ZMAT1: variants seen among roughly 807,000 people sequenced by gnomAD.
The protein encoded by ZMAT1 is zinc finger matrin-type protein 1.
ZMAT1 carries 11 observed loss-of-function variants against 18.5 expected under a neutral mutation model. That is an observed-to-expected ratio of 0.59 (90% CI 0.37 to 0.98). The LOEUF (loss-of-function observed/expected upper bound fraction) is 0.98. ZMAT1 is among the 50% of genes least tolerant of loss of function. ZMAT1 has a pLI of 0.01. For synonymous variants in ZMAT1, 211 were observed against 176.4 expected (o/e 1.20, Z -1.55); for missense variants, 525 against 496.2 (o/e 1.06, Z -0.55).
chrX:101,921,468 T>C (rs1217505853), intron 1 of ZMAT1, among the ~76,000 whole-genome samples: 2 of 112,313 alleles, frequency 1.8e-5, no homozygotes, highest in Non-Finnish European at 3.8e-5. Flanking sequence ...TAATTTCTAA[T>C]CCTTTTTTAG....
chrX:101,924,619 T>C (rs1403856999), intron 1 of ZMAT1, among the ~76,000 whole-genome samples: 9 of 111,798 alleles, frequency 8.1e-5, no homozygotes, highest in Non-Finnish European at 1.5e-4. Context: ...ATAACCTATA[T>C]CTGATAATGA....
chrX:101,928,245 G>A (rs1401954589), intron 1 of ZMAT1, among the ~76,000 whole-genome samples: 1 of 112,504 alleles, frequency 8.9e-6, no homozygotes, highest in Non-Finnish European at 1.9e-5. Flanking sequence ...GTATAGCTGT[G>A]TTTAATTTGT....
At chrX:101,928,794 T>G (rs1281898211) in intron 1 of ZMAT1, among the ~76,000 whole-genome samples, 1 of 112,373 alleles carries the variant, frequency 8.9e-6, no homozygotes, top group Non-Finnish European at 1.9e-5. Flanking sequence ...CCAGAAGGTC[T>G]TCCAATCTAA....
chrX:101,929,112 T>C (rs1159872428), intron 1 of ZMAT1, among the ~76,000 whole-genome samples: 1 of 109,779 alleles, frequency 9.1e-6, no homozygotes, highest in Non-Finnish European at 1.9e-5. Context: ...TAGTTTCTAA[T>C]CTCCATTGAC....
At chrX:101,891,078 T>C (rs908066453) in intron 4 of ZMAT1, among the ~76,000 whole-genome samples, 1 of 111,084 alleles carries the variant, frequency 9.0e-6, no homozygotes, top group Admixed American at 9.6e-5. Flanking sequence ...GTGGCTGCAA[T>C]ACAAAGGATT....
At chrX:101,923,193 CT>C (rs759440601) in intron 1 of ZMAT1, among the ~76,000 whole-genome samples, 2 of 111,724 alleles carry the variant, frequency 1.8e-5, no homozygotes, top group African/African-American at 6.5e-5. Flanking sequence ...TGAAATAAAT[CT>C]ATTTTTATTG....
chrX:101,927,877 G>A (rs112737972), intron 1 of ZMAT1, among the ~76,000 whole-genome samples: 10 of 112,302 alleles, frequency 8.9e-5, no homozygotes, highest in African/African-American at 2.9e-4. Flanking sequence ...GCTTAAGTTA[G>A]TCTTTACAAC....
At position 101,883,765 on chromosome X, in the gene ZMAT1, T is replaced by C. The variant is rs1422637122; in HGVS notation, c.1833A>G (p.Lys611=). 3 of 1,209,633 alleles carry C rather than the reference T, an allele frequency of 2.5e-6. No individual in the cohort carries two copies. The highest frequency in any genetic ancestry group is 3.4e-6 in the Non-Finnish European group (3 of 894,929). The part of the protein sequence containing the change: ...HLEEGKERPE[K]EQSKHKRKKS... ...TTTTCCTTTTATGCTTGGACTGCTC[T>C]TTCTCTGGCCTTTCTTTGCCTTCTT... Residue 611 remains lysine, a synonymous_variant, in exon 6 of 6, where the codon AAA becomes AAG. Transcript: ENST00000651725.
intron 2 of ZMAT1, among the ~76,000 whole-genome samples, chrX:101,902,247 T>C (rs1928290494): frequency 8.9e-6 from 1 of 112,153 alleles, no homozygotes; most frequent in African/African-American, 3.2e-5. Flanking sequence ...GAGTATCTAT[T>C]CTATGGACTG....
intron 2 of ZMAT1, among the ~76,000 whole-genome samples, chrX:101,898,640 T>C (rs1216839529): frequency 1.8e-5 from 2 of 111,851 alleles, no homozygotes; most frequent in African/African-American, 6.5e-5. Flanking sequence ...CATAAGCCCT[T>C]ATTCTACCCT....
chrX:101,913,441 G>C (rs1404634767), intron 1 of ZMAT1, among the ~76,000 whole-genome samples: 1 of 111,537 alleles, frequency 9.0e-6, no homozygotes, highest in East Asian at 2.8e-4. Context: ...TTGCCTAGAG[G>C]AAACATACTT....
In ZMAT1 at chrX:101,883,228, T is replaced by C. The variant is rs1196661934; in HGVS notation, c.*282A>G. 1.9e-5 allele frequency: 4 copies of C among 215,089 alleles called. No homozygotes were observed. Among genetic ancestry groups the C allele is most frequent in the Admixed American group, 1.4e-4 (2 of 14,394 alleles). The allele number at this position is 215,089 out of a possible 1,213,427, so 17.7% of individuals were successfully genotyped here. A position where few individuals can be genotyped will look rare whatever the true frequency, so the allele number is the denominator to read the frequency against. ...AAACTAAAAGTTCAATACCCAAGAA[T>C]AGACTCATTCCAAAACACAGATTCT... On this transcript the variant is annotated 3_prime_UTR_variant, in exon 6 of 6. Transcript: ENST00000651725.
chrX:101,917,014 A>AT lies in ZMAT1; in HGVS notation c.293-12685dup, dbSNP rs142315594. ...TGCAGAAAAATGCAGCTAGACCCCT[A>AT]TCTCTATATACAAAATTCAAATCAA... On this transcript the variant is annotated intron_variant, in intron 1 of 5. Coordinates refer to ENST00000651725, the MANE Select transcript of ZMAT1 (RefSeq NM_001394560.1). Among the ~76,000 whole-genome samples, 893 of 111,827 alleles carry AT rather than the reference A, an allele frequency of 8.0e-3. 14 individuals carry two copies. The highest frequency in any genetic ancestry group is 0.023 in the Middle Eastern group (5 of 217).
intron 4 of ZMAT1, chrX:101,894,726 A>G: frequency 2.7e-6 from 2 of 750,714 alleles, no homozygotes; most frequent in Non-Finnish European, 3.1e-6. Flanking sequence ...ACCAGAGCAT[A>G]AAGAGTTACA....
At chrX:101,886,777 T>C (rs1443430537) in intron 4 of ZMAT1, 46 bp from the exon 5 acceptor site, 5 of 917,343 alleles carry the variant, frequency 5.5e-6, no homozygotes, top group Middle Eastern at 2.9e-4. Flanking sequence ...TATAAATACA[T>C]TTAGAATCAC....
intron 1 of ZMAT1, chrX:101,911,977 C>A (rs1929001322): frequency 3.3e-6 from 4 of 1,200,345 alleles, no homozygotes; most frequent in Non-Finnish European, 4.5e-6. Flanking sequence ...ACCGGAGGAT[C>A]CACACAGGAG....
chrX:101,928,502 C>T (rs1243984225), intron 1 of ZMAT1, among the ~76,000 whole-genome samples: 1 of 112,407 alleles, frequency 8.9e-6, no homozygotes, highest in Non-Finnish European at 1.9e-5. Flanking sequence ...TGACTATAGG[C>T]ATGTGCCACC....
At chrX:101,921,549 T>C (rs1417266876) in intron 1 of ZMAT1, among the ~76,000 whole-genome samples, 1 of 112,017 alleles carries the variant, frequency 8.9e-6, no homozygotes, top group Non-Finnish European at 1.9e-5. Context: ...AATACTGTAA[T>C]AACAACAAAT....
At chrX:101,920,392 G>T (rs1603284580) in intron 1 of ZMAT1, among the ~76,000 whole-genome samples, 2 of 111,777 alleles carry the variant, frequency 1.8e-5, no homozygotes, top group African/African-American at 6.5e-5. Context: ...TGATGCAGGA[G>T]ATGGAGCTTT....
Sources: gnomAD v4.1 joint callset for allele counts (sites outside exome capture counted in the v4.1 genomes callset) on GRCh38, gnomAD v4.1.1 for gene constraint, MANE v1.5 for transcripts, NCBI Gene and HGNC (gene_info 2026-07-23, HGNC 2026-07-21) for gene names.